Variants in BRD10 observed in about 807,000 individuals in gnomAD.
BRD10 encodes bromodomain containing 10.
At chr9:5,883,283 CCTCT>C in the BRD10 span, among the ~76,000 whole-genome samples, 2 of 152,070 alleles carry the variant, frequency 1.3e-5, no homozygotes, top group African/African-American at 2.4e-5. Flanking sequence ...TTTTGGAGAA[CCTCT>C]CTCTGTGTAT....
the BRD10 span, among the ~76,000 whole-genome samples, chr9:5,926,025 C>G: frequency 6.6e-6 from 1 of 152,164 alleles, no homozygotes; most frequent in East Asian, 1.9e-4. Flanking sequence ...TCAAGCAGTT[C>G]TCCTGCCTCA....
the BRD10 span, among the ~76,000 whole-genome samples, chr9:6,006,247 A>G: frequency 1.3e-5 from 2 of 152,224 alleles, no homozygotes; most frequent in African/African-American, 4.8e-5. Flanking sequence ...CAACTCTATG[A>G]GAGAAGTACT....
At chr9:5,936,122 G>A in the BRD10 span, among the ~76,000 whole-genome samples, 1 of 152,262 alleles carries the variant, frequency 6.6e-6, no homozygotes, top group African/African-American at 2.4e-5. Context: ...TTGGGAGGCA[G>A]AGGAAGGTAA....
chr9:5,971,918 GA>G, the BRD10 span, among the ~76,000 whole-genome samples: 5 of 150,784 alleles, frequency 3.3e-5, no homozygotes, highest in African/African-American at 1.2e-4. Flanking sequence ...GTGGTGAGAG[GA>G]AAAAAAAATC....
chr9:5,944,752 C>A, the BRD10 span: 4 of 525,278 alleles, frequency 7.6e-6, no homozygotes, highest in Non-Finnish European at 1.3e-5. Context: ...ATGTTTCTAT[C>A]TTTCATGGTA....
At chr9:5,999,073 A>G in the BRD10 span, among the ~76,000 whole-genome samples, 8 of 152,008 alleles carry the variant, frequency 5.3e-5, no homozygotes, top group Non-Finnish European at 1.0e-4. Flanking sequence ...GATATTGTCA[A>G]TATGTTTATA....
At chr9:5,920,474 T>A in the BRD10 span, 14 of 1,614,012 alleles carry the variant, frequency 8.7e-6, no homozygotes, top group African/African-American at 1.3e-5. Flanking sequence ...AGCAGAACTG[T>A]AACTGGGGGT....
the BRD10 span, among the ~76,000 whole-genome samples, chr9:5,918,156 T>TA: frequency 6.6e-6 from 1 of 152,172 alleles, no homozygotes; most frequent in Admixed American, 6.5e-5. Context: ...GAAAAGTACT[T>TA]AGAGCATAAA....
At chr9:5,989,498 A>C in the BRD10 span, among the ~76,000 whole-genome samples, 1 of 150,970 alleles carries the variant, frequency 6.6e-6, no homozygotes, top group Non-Finnish European at 1.5e-5. Context: ...GCTTTCCTAC[A>C]GGCTTTAACA....
the BRD10 span, among the ~76,000 whole-genome samples, chr9:5,940,775 T>C: frequency 6.6e-6 from 1 of 152,186 alleles, no homozygotes; most frequent in Non-Finnish European, 1.5e-5. Flanking sequence ...GTGCTCAATA[T>C]GTATAGCTTT....
chr9:5,948,345 TAAAG>T, the BRD10 span, among the ~76,000 whole-genome samples: 2 of 152,132 alleles, frequency 1.3e-5, no homozygotes, highest in African/African-American at 4.8e-5. Context: ...AACACAAAAA[TAAAG>T]AAATCTAACA....
At chr9:5,921,711 T>G in the BRD10 span, 1 of 1,613,940 alleles carries the variant, frequency 6.2e-7, no homozygotes, top group South Asian at 1.1e-5. Flanking sequence ...ATATTTGCAT[T>G]GTTTTGTCCA....
the BRD10 span, chr9:5,897,537 T>C: frequency 6.2e-7 from 1 of 1,604,796 alleles, no homozygotes; most frequent in Non-Finnish European, 8.5e-7. Context: ...CAAAGTGGAT[T>C]TGTCTATCTC....
At chr9:5,895,256 C>T in the BRD10 span, among the ~76,000 whole-genome samples, 10 of 152,192 alleles carry the variant, frequency 6.6e-5, no homozygotes, top group African/African-American at 1.2e-4. Flanking sequence ...TGAAGGAGAT[C>T]GGTCCAGAAA....
At chr9:5,996,050 G>A in the BRD10 span, among the ~76,000 whole-genome samples, 5 of 152,054 alleles carry the variant, frequency 3.3e-5, no homozygotes, top group African/African-American at 4.8e-5. Context: ...ACAACCAACT[G>A]GAAAAGTTCT....
At chr9:5,919,841 C>A in the BRD10 span, 3 of 1,613,854 alleles carry the variant, frequency 1.9e-6, no homozygotes, top group Non-Finnish European at 2.5e-6. Flanking sequence ...CAAAATGGCT[C>A]CTTCTGGGCT....
chr9:5,908,754 C>G, the BRD10 span: 3 of 1,556,908 alleles, frequency 1.9e-6, no homozygotes, highest in East Asian at 6.7e-5. Flanking sequence ...TTCTCTCACA[C>G]TTTTGCTTGA....
chr9:5,969,614 G>C, the BRD10 span, among the ~76,000 whole-genome samples: 1 of 152,142 alleles, frequency 6.6e-6, no homozygotes, highest in African/African-American at 2.4e-5. Flanking sequence ...TGCAATCTCA[G>C]CTCACTGCAA....
chr9:5,933,714 C>G, the BRD10 span: 1 of 457,882 alleles, frequency 2.2e-6, no homozygotes, highest in South Asian at 1.6e-5. Context: ...AAAGCTGCAT[C>G]TCTATGTATG....
Sources: gnomAD v4.1 joint callset for allele counts (sites outside exome capture counted in the v4.1 genomes callset) on GRCh38, gnomAD v4.1.1 for gene constraint, MANE v1.5 for transcripts, NCBI Gene and HGNC (gene_info 2026-07-23, HGNC 2026-07-21) for gene names.